Variants in ZNF292 observed in about 807,000 individuals in gnomAD.
The protein encoded by ZNF292 is zinc finger protein 292, also known as 16 zinc-finger domain protein.
ZNF292 carries 26 observed loss-of-function variants against 217.9 expected under a neutral mutation model. The ratio of observed to expected loss-of-function variants is 0.12; its 90% CI spans 0.09 to 0.17. The LOEUF (loss-of-function observed/expected upper bound fraction) is 0.17. ZNF292 is among the 10% of genes least tolerant of loss of function. The probability of loss-of-function intolerance (pLI) is 1.00; values close to 1 mark genes in which losing one functional copy is unlikely to be tolerated. For missense variants in ZNF292, 2,904 were observed against 3,175.2 expected, an observed-to-expected ratio of 0.91 and a Z score of 2.05; for synonymous variants, 1,257 against 1,124.1, an observed-to-expected ratio of 1.12 and a Z score of -2.37.
At chr6:87,251,004 G>A (rs1774891456) in intron 7 of ZNF292, among the ~76,000 whole-genome samples, 1 of 152,196 alleles carries the variant, frequency 6.6e-6, no homozygotes. Flanking sequence ...AATAAAAGAA[G>A]TGGGCCATAA....
intron 1 of ZNF292, among the ~76,000 whole-genome samples, chr6:87,161,977 A>G (rs1267398606): frequency 6.6e-6 from 1 of 152,196 alleles, no homozygotes; most frequent in Non-Finnish European, 1.5e-5. Flanking sequence ...CTCATTCCAT[A>G]GCTGCTCATG....
Position 87,257,472 on chromosome 6 carries a change from T to G in ZNF292, c.3843T>G (p.Ser1281Arg). Residue 1281 changes from serine (S) to arginine (R), a missense_variant, in exon 8 of 8, where the codon AGT (serine) becomes AGG (arginine). Around this residue, in one of 15 missense-constraint regions of ZNF292, gnomAD observed 687 missense variants for 623.0 expected, o/e 1.10. Transcript: ENST00000369577. ...SMSLFPSPADSGTNSVFSQLE... is the reference protein window; with the variant it reads ...SMSLFPSPADRGTNSVFSQLE... ...CTCTCTTCCCTTCACCAGCAGATAG[T>G]GGGACTAATTCTGTTTTTTCCCAAC... The G allele has an allele frequency of 6.2e-7, 1 of 1,613,012 alleles. No individual in the cohort carries two copies. The highest frequency in any genetic ancestry group is 8.5e-7 in the Non-Finnish European group (1 of 1,179,490).
At chr6:87,181,767 C>G (rs896791927) in intron 1 of ZNF292, among the ~76,000 whole-genome samples, 1 of 151,956 alleles carries the variant, frequency 6.6e-6, no homozygotes, top group African/African-American at 2.4e-5. Context: ...CTGCAACCTC[C>G]GCCTCCTGGG....
intron 1 of ZNF292, among the ~76,000 whole-genome samples, chr6:87,185,572 G>T (rs1013044863): frequency 6.6e-6 from 1 of 152,032 alleles, no homozygotes; most frequent in African/African-American, 2.4e-5. Flanking sequence ...TCTGCCTCCC[G>T]GGCTCAAGTG....
In ZNF292 at chr6:87,244,092, C is replaced by T. The variant is rs76096703; in HGVS notation, c.878+481C>T. Among the ~76,000 whole-genome samples, 500 of 152,278 alleles carry T rather than the reference C, an allele frequency of 3.3e-3. 2 individuals carry two copies. The highest frequency in any genetic ancestry group is 0.012 in the African/African-American group (482 of 41,558). Reference sequence around the variant, plus strand: ...ACTGACAATTTATCTGGTCAGTCAACAGCACTATTAGTCTTCAGTGTTGTG... The same window carrying T: ...ACTGACAATTTATCTGGTCAGTCAATAGCACTATTAGTCTTCAGTGTTGTG... On this transcript the variant is annotated intron_variant, in intron 6 of 7. Coordinates refer to ENST00000369577, the MANE Select transcript of ZNF292 (RefSeq NM_015021.3).
At chr6:87,184,848 C>T (rs552961813) in intron 1 of ZNF292, among the ~76,000 whole-genome samples, 1 of 152,132 alleles carries the variant, frequency 6.6e-6, no homozygotes, top group African/African-American at 2.4e-5. Context: ...AACAAAGGCC[C>T]CTGAGCCTGA....
At chr6:87,156,161 C>G (rs1467058380) in intron 1 of ZNF292, among the ~76,000 whole-genome samples, 6 of 152,240 alleles carry the variant, frequency 3.9e-5, no homozygotes, top group Non-Finnish European at 8.8e-5. Context: ...CCTCTGCTTC[C>G]CACTCCGACG....
At chr6:87,253,571 T>C (rs1004334600) in intron 7 of ZNF292, among the ~76,000 whole-genome samples, 1 of 152,110 alleles carries the variant, frequency 6.6e-6, no homozygotes, top group Non-Finnish European at 1.5e-5. Flanking sequence ...TACTTTTCTT[T>C]CTATTCATTT....
intron 1 of ZNF292, among the ~76,000 whole-genome samples, chr6:87,181,751 G>A (rs911000264): frequency 3.3e-5 from 5 of 151,664 alleles, no homozygotes; most frequent in South Asian, 2.1e-4. Flanking sequence ...GCACTGTCTC[G>A]ACTCACTGCA....
At chr6:87,173,305 G>A (rs539393283) in intron 1 of ZNF292, 19 of 152,184 alleles carry the variant, frequency 1.2e-4, no homozygotes, top group Non-Finnish European at 2.8e-4. Flanking sequence ...TTCATCCATT[G>A]TGTATAAGTC....
At chr6:87,159,328 A>T (rs903891169) in intron 1 of ZNF292, among the ~76,000 whole-genome samples, 2 of 152,056 alleles carry the variant, frequency 1.3e-5, no homozygotes, top group Non-Finnish European at 2.9e-5. Context: ...GAGTAAGTAG[A>T]GGATGGGCAT....
rs368395453 is a variant in ZNF292 at position 87,194,669 on chromosome 6, G to C, written c.169-21234G>C. On this transcript the variant is annotated intron_variant, in intron 1 of 7. Coordinates refer to ENST00000369577, the MANE Select transcript of ZNF292 (RefSeq NM_015021.3). ...GGTTACAAGTTCTATTGTTAAAACT[G>C]TTATAGGCCATAAATAAAAGCTTCC... 2.0e-4 allele frequency among the ~76,000 whole-genome samples: 30 copies of C among 152,182 alleles called. 1 individual carries two copies. In the East Asian group the frequency reaches 5.4e-3, roughly 27 times the overall value.
intron 5 of ZNF292, among the ~76,000 whole-genome samples, chr6:87,242,662 C>A (rs1286746164): frequency 5.9e-5 from 9 of 152,184 alleles, no homozygotes. Flanking sequence ...CTGTGGAACA[C>A]TGGTAATTTG....
intron 1 of ZNF292, among the ~76,000 whole-genome samples, chr6:87,175,497 G>C (rs531967518): frequency 8.6e-4 from 131 of 152,152 alleles, no homozygotes; most frequent in Admixed American, 2.3e-3. Context: ...CACCATGCCT[G>C]GCTAATTTTT....
In ZNF292 at chr6:87,261,787, A is replaced by T. The variant is rs372460821; in HGVS notation, c.8158A>T (p.Arg2720Ter). 2 of 1,610,148 alleles carry T rather than the reference A, an allele frequency of 1.2e-6. No homozygotes were observed. Among genetic ancestry groups the T allele is most frequent in the African/African-American group, 2.7e-5 (2 of 74,792 alleles). ...KDISIGKATGRGQY is the reference protein window; with the variant it reads ...KDISIGKATG ...TATCAGTATAGGTAAAGCCACAGGC[A>T]GAGGTCAGTACTGATAATTAATGTA... Residue 2720 changes from arginine (R) to a stop codon, truncating the protein, a stop_gained, in exon 8 of 8, where the codon AGA (arginine) becomes TGA (stop). Transcript: ENST00000369577. LOFTEE classifies it high-confidence loss of function.
chr6:87,219,781 C>T (rs914255009), intron 4 of ZNF292, among the ~76,000 whole-genome samples: 3 of 152,132 alleles, frequency 2.0e-5, no homozygotes, highest in Admixed American at 6.5e-5. Flanking sequence ...ACAGTGTTCT[C>T]GAGACCTTGG....
At chr6:87,179,089 A>C (rs1001853930) in intron 1 of ZNF292, among the ~76,000 whole-genome samples, 3 of 151,878 alleles carry the variant, frequency 2.0e-5, no homozygotes, top group African/African-American at 7.3e-5. Flanking sequence ...CCAATCTTTA[A>C]ATATTAATAT....
At chr6:87,168,172 A>G (rs1239518770) in intron 1 of ZNF292, among the ~76,000 whole-genome samples, 1 of 152,232 alleles carries the variant, frequency 6.6e-6, no homozygotes, top group Non-Finnish European at 1.5e-5. Context: ...TTTAATCTGA[A>G]GACCTATGAG....
At chr6:87,157,344 CT>C in intron 1 of ZNF292, among the ~76,000 whole-genome samples, 1 of 152,196 alleles carries the variant, frequency 6.6e-6, no homozygotes, top group Admixed American at 6.5e-5. Context: ...AGTTTCTCTA[CT>C]TTGCAGTACC....
Sources: gnomAD v4.1 joint callset for allele counts (sites outside exome capture counted in the v4.1 genomes callset) on GRCh38, gnomAD v4.1.1 for gene constraint, gnomAD v4.1.1 regional missense constraint, MANE v1.5 for transcripts, NCBI Gene and HGNC (gene_info 2026-07-23, HGNC 2026-07-21) for gene names.